Variants in CELF2 observed in about 807,000 individuals in gnomAD.
CELF2 encodes CUG triplet repeat RNA-binding protein 2.
A neutral mutation model predicts 62.6 loss-of-function variants in CELF2; 8 were observed. The ratio of observed to expected loss-of-function variants is 0.13; its 90% confidence interval spans 0.07 to 0.23. CELF2 has a LOEUF of 0.23. Among genes scored for constraint, CELF2 ranks in the 10% least tolerant of loss-of-function variants. The probability of loss-of-function intolerance (pLI) is 1.00; values close to 1 mark genes in which losing one functional copy is unlikely to be tolerated. For missense variants in CELF2, 333 were observed against 671.0 expected (o/e 0.50, Z 5.56); for synonymous variants, 258 against 250.0 (o/e 1.03, Z -0.30).
the CELF2 span, among the ~76,000 whole-genome samples, chr10:10,662,945 T>C: frequency 6.6e-6 from 1 of 152,182 alleles, no homozygotes; most frequent in African/African-American, 2.4e-5. Context: ...TCCAGCTTCT[T>C]GGTCTGAACT....
rs1319988449 is a variant in CELF2 at position 11,223,544 on chromosome 10, A to T, written c.354+6037A>T. ...TGTTTTCAGATAATACTCAAATCTC[A>T]TACAAATAAAAGCCAAACAAACAAA... On this transcript the variant is annotated intron_variant, in intron 3 of 12. Transcript: ENST00000633077. This position sits in a 1 kb window ranked among gnomAD's most constrained non-coding sequence, Gnocchi z 5.1. Among the ~76,000 whole-genome samples, 1 of 152,230 alleles carries T rather than the reference A, an allele frequency of 6.6e-6. No homozygotes were observed. Among genetic ancestry groups the T allele is most frequent in the African/African-American group, 2.4e-5 (1 of 41,452 alleles).
the CELF2 span, among the ~76,000 whole-genome samples, chr10:10,608,869 G>A: frequency 6.6e-6 from 1 of 152,158 alleles, no homozygotes; most frequent in Non-Finnish European, 1.5e-5. Flanking sequence ...AGAACTAAAA[G>A]TACTTGTAAA....
intron 1 of CELF2, chr10:11,105,453 C>T (rs1027689703): frequency 1.3e-5 from 2 of 152,274 alleles, no homozygotes; most frequent in Non-Finnish European, 1.5e-5. Context: ...GACATACCCA[C>T]TGCTCTTGCT....
At chr10:10,867,443 G>C (rs945873130) in intron 1 of CELF2, among the ~76,000 whole-genome samples, 3 of 152,214 alleles carry the variant, frequency 2.0e-5, no homozygotes, top group South Asian at 4.1e-4. Context: ...GTTATGAAAA[G>C]ATGCAAACAC....
chr10:11,152,482 A>G (rs74703576), intron 1 of CELF2, among the ~76,000 whole-genome samples: 6,042 of 152,306 alleles, frequency 0.04, 142 homozygotes, highest in Middle Eastern at 0.048. Flanking sequence ...AGCATCAGCT[A>G]TACAAGTCTG....
At chr10:11,323,065 T>TGAAACAACATGTTTC (rs776683401) in intron 11 of CELF2, among the ~76,000 whole-genome samples, 2 of 152,150 alleles carry the variant, frequency 1.3e-5, no homozygotes, top group East Asian at 1.9e-4. Context: ...GTCTGGGCCC[T>TGAAACAACATGTTTC]GAAACAACAT....
chr10:11,217,615 T>G lies in CELF2; in HGVS notation c.354+108T>G, dbSNP rs186234237. On this transcript the variant is annotated intron_variant, in intron 3 of 12. Coordinates refer to ENST00000633077, the MANE Select transcript of CELF2 (RefSeq NM_001326342.2). This position sits in a 1 kb window ranked among gnomAD's most constrained non-coding sequence, Gnocchi z 5.6. ...TAGTGCCAAAAATGACTTTGGTCTTTTGAGGAGTGTGTGCTGACCCCCCAG... is the reference window on the plus strand; with the variant it reads ...TAGTGCCAAAAATGACTTTGGTCTTGTGAGGAGTGTGTGCTGACCCCCCAG... The G allele has an allele frequency of 1.9e-4, 147 of 778,166 alleles. No individual in the cohort carries two copies. The African/African-American group carries it at 2.4e-3, about 13-fold the overall frequency. The allele number at this position is 778,166 out of a possible 1,614,324, so 48.2% of individuals were successfully genotyped here.
At chr10:10,976,921 A>G (rs1430024831) in intron 2 of CELF2, among the ~76,000 whole-genome samples, 1 of 152,182 alleles carries the variant, frequency 6.6e-6, no homozygotes, top group Non-Finnish European at 1.5e-5. Context: ...TCTTCTGCCT[A>G]AACGGCTCAA....
At chr10:11,151,723 G>A (rs554175288) in intron 1 of CELF2, among the ~76,000 whole-genome samples, 4 of 152,066 alleles carry the variant, frequency 2.6e-5, no homozygotes, top group Admixed American at 6.5e-5. Context: ...TTGAGTCCCT[G>A]GATGTTTACA....
In CELF2 at chr10:11,267,027, TC is replaced by T. The variant is rs1289828557; in HGVS notation, c.618+351del. 2.0e-5 allele frequency among the ~76,000 whole-genome samples: 3 copies of T among 152,072 alleles called. No homozygotes were observed. Among genetic ancestry groups the T allele is most frequent in the Non-Finnish European group, 4.4e-5 (3 of 67,992 alleles). On this transcript the variant is annotated intron_variant, in intron 6 of 12. Coordinates refer to ENST00000633077, the MANE Select transcript of CELF2 (RefSeq NM_001326342.2). The surrounding 1 kb of genome is among the most constrained non-coding windows in gnomAD (Gnocchi z 4.4). ...ATCAAATACATTCCCCACACCGGGGTCGGTGCGGATGAAACAGTAACAGCCT... is the reference window on the plus strand; with the variant it reads ...ATCAAATACATTCCCCACACCGGGGTGGTGCGGATGAAACAGTAACAGCCT...
At chr10:10,528,363 C>T in the CELF2 span, among the ~76,000 whole-genome samples, 1 of 152,146 alleles carries the variant, frequency 6.6e-6, no homozygotes, top group Non-Finnish European at 1.5e-5. Context: ...GCCTTCTTCA[C>T]CATGACCCTG....
the CELF2 span, among the ~76,000 whole-genome samples, chr10:10,571,990 G>A: frequency 1.3e-5 from 2 of 152,098 alleles, no homozygotes; most frequent in African/African-American, 4.8e-5. Flanking sequence ...ACAGTCTGAT[G>A]GGATTCACCT....
chr10:10,480,345 G>A, the CELF2 span, among the ~76,000 whole-genome samples: 1 of 152,070 alleles, frequency 6.6e-6, no homozygotes, highest in African/African-American at 2.4e-5. Flanking sequence ...ATAATAACCA[G>A]GTTTATTTGA....
intron 7 of CELF2, among the ~76,000 whole-genome samples, chr10:11,272,867 G>A (rs1317033439): frequency 6.6e-6 from 1 of 152,146 alleles, no homozygotes; most frequent in Non-Finnish European, 1.5e-5. Context: ...ACCTCAGTAG[G>A]TGCTATTAAC....
intron 2 of CELF2, among the ~76,000 whole-genome samples, chr10:10,994,434 C>G (rs1331796015): frequency 6.6e-6 from 1 of 152,166 alleles, no homozygotes; most frequent in Non-Finnish European, 1.5e-5. Context: ...ATTCCTTTGC[C>G]TGATTTACAA....
chr10:11,209,636 G>C (rs2061312631), intron 2 of CELF2, among the ~76,000 whole-genome samples: 1 of 148,368 alleles, frequency 6.7e-6, no homozygotes, highest in African/African-American at 2.5e-5. Flanking sequence ...TTTTTGATGG[G>C]TTTTTTTTTA....
Position 11,255,435 on chromosome 10 carries a change from G to A in CELF2, c.404-2303G>A, listed in dbSNP as rs77770530. On this transcript the variant is annotated intron_variant, in intron 4 of 12. Coordinates refer to ENST00000633077, the MANE Select transcript of CELF2 (RefSeq NM_001326342.2). This position sits in a 1 kb window ranked among gnomAD's most constrained non-coding sequence, Gnocchi z 5.5. Reference sequence around the variant, plus strand: ...ACCCAAGCCAGGTCCCTACTGCCCCGCACTGTGCACCTTGCCTGGTTAGGA... The same window carrying A: ...ACCCAAGCCAGGTCCCTACTGCCCCACACTGTGCACCTTGCCTGGTTAGGA... 4.6e-5 allele frequency among the ~76,000 whole-genome samples: 7 copies of A among 152,210 alleles called. No individual in the cohort carries two copies. The highest frequency in any genetic ancestry group is 3.9e-4 in the East Asian group (2 of 5,168).
rs1422660569 is a variant in CELF2 at position 11,223,335 on chromosome 10, A to G, written c.354+5828A>G. On this transcript the variant is annotated intron_variant, in intron 3 of 12. Coordinates refer to ENST00000633077, the MANE Select transcript of CELF2 (RefSeq NM_001326342.2). The surrounding 1 kb of genome is among the most constrained non-coding windows in gnomAD (Gnocchi z 5.1). ...GTGTAGGTGTGAACTCTCCTTGTGG[A>G]GCACCCCAGCATACAAACGTGTGGA... 6.6e-6 allele frequency among the ~76,000 whole-genome samples: 1 copy of G among 152,162 alleles called. No individual in the cohort carries two copies. Among genetic ancestry groups the G allele is most frequent in the Non-Finnish European group, 1.5e-5 (1 of 68,026 alleles).
the CELF2 span, among the ~76,000 whole-genome samples, chr10:10,465,133 A>G: frequency 1.3e-5 from 2 of 152,194 alleles, no homozygotes; most frequent in African/African-American, 4.8e-5. Flanking sequence ...GCCAGAATAA[A>G]CATTAAAGGC....
Sources: gnomAD v4.1 joint callset for allele counts (sites outside exome capture counted in the v4.1 genomes callset) on GRCh38, gnomAD v4.1.1 for gene constraint, Gnocchi (gnomAD v3.1) non-coding constraint, MANE v1.5 for transcripts, NCBI Gene and HGNC (gene_info 2026-07-23, HGNC 2026-07-21) for gene names.